Variants in PPEF1 observed in about 807,000 individuals in gnomAD.
The protein encoded by PPEF1 is serine/threonine-protein phosphatase with EF-hands 1.
PPEF1 carries 12 observed loss-of-function variants against 53.3 expected under a neutral mutation model. The observed-to-expected ratio is 0.23, with a 90% confidence interval of 0.14 to 0.36. PPEF1 has a LOEUF of 0.36. Ranked by LOEUF, PPEF1 falls within the 10% of genes least tolerant of loss-of-function variation. The pLI is 1.00. For missense variants in PPEF1, 334 were observed against 490.4 expected, an observed-to-expected ratio of 0.68 and a Z score of 3.01; for synonymous variants, 165 against 176.7, an observed-to-expected ratio of 0.93 and a Z score of 0.52.
intron 4 of PPEF1, 152 bp downstream of exon 4, chrX:18,750,104 A>G: frequency 1.9e-6 from 1 of 514,868 alleles, no homozygotes. Flanking sequence ...CATTTAATAG[A>G]AGTCTCCTCA....
chrX:18,750,850 TG>T (rs1263874536), intron 4 of PPEF1, among the ~76,000 whole-genome samples: 2 of 111,688 alleles, frequency 1.8e-5, no homozygotes, highest in African/African-American at 6.5e-5. Context: ...CTTGTTATTT[TG>T]TTTTTTTTTT....
chrX:18,689,998 G>A (rs1286693294), intron 3 of PPEF1, among the ~76,000 whole-genome samples: 2 of 109,813 alleles, frequency 1.8e-5, no homozygotes, highest in Non-Finnish European at 3.8e-5. Flanking sequence ...CTCAGAGAAG[G>A]CTTTGCTCGA....
intron 7 of PPEF1, among the ~76,000 whole-genome samples, chrX:18,780,926 GGCGCCTGTAGTCCCA>G (rs1251135124): frequency 1.8e-5 from 2 of 109,676 alleles, no homozygotes; most frequent in Admixed American, 9.7e-5. Flanking sequence ...CATAGTGGCG[GGCGCCTGTAGTCCCA>G]GCTACTCGGG....
chrX:18,702,467 T>A (rs760514558), intron 6 of PPEF1, among the ~76,000 whole-genome samples: 2 of 105,583 alleles, frequency 1.9e-5, no homozygotes, highest in Admixed American at 2.2e-4. Flanking sequence ...CCAGAGAGGG[T>A]CGTGTCAGGG....
At chrX:18,713,165 C>T (rs75950031) in intron 1 of PPEF1, among the ~76,000 whole-genome samples, 5,734 of 111,431 alleles carry the variant, frequency 0.051, 273 homozygotes, top group South Asian at 0.16. Context: ...CCTTCTCCTC[C>T]ATTTTTTGGA....
intron 13 of PPEF1, among the ~76,000 whole-genome samples, chrX:18,819,536 A>T: frequency 9.0e-6 from 1 of 110,586 alleles, no homozygotes; most frequent in Middle Eastern, 4.7e-3. Context: ...TACAAAAAAA[A>T]ACAAAAAATT....
At chrX:18,788,140 C>T (rs2046250748) in intron 9 of PPEF1, among the ~76,000 whole-genome samples, 2 of 109,486 alleles carry the variant, frequency 1.8e-5, no homozygotes, top group African/African-American at 3.3e-5. Flanking sequence ...CACGGTGACA[C>T]CCCGTCTCTT....
chrX:18,781,754 T>G (rs1427423460), intron 7 of PPEF1, among the ~76,000 whole-genome samples: 1 of 111,395 alleles, frequency 9.0e-6, no homozygotes, highest in Non-Finnish European at 1.9e-5. Flanking sequence ...ACTGTTATCC[T>G]AAAGCAAGGA....
chrX:18,751,350 A>G (rs2045440282), intron 4 of PPEF1, among the ~76,000 whole-genome samples: 1 of 111,949 alleles, frequency 8.9e-6, no homozygotes, highest in African/African-American at 3.2e-5. Context: ...TATGTCTGTG[A>G]ATGATTTTGA....
At position 18,683,138 on chromosome X, in the gene PPEF1, G is replaced by A. The variant is rs181057383; in HGVS notation, c.-638+137G>A. 6.8e-3 allele frequency among the ~76,000 whole-genome samples: 757 copies of A among 111,524 alleles called. 8 individuals are homozygous for A. The highest frequency in any genetic ancestry group is 0.023 in the African/African-American group (708 of 30,703). On this transcript the variant is annotated intron_variant, in intron 1 of 21. Transcript: ENST00000361511. Reference sequence around the variant, plus strand: ...TGCCTCCCCTCCGGGTCCCTCCCACGACACGTGGGAATTGTGGGAGCTACA... The same window carrying A: ...TGCCTCCCCTCCGGGTCCCTCCCACAACACGTGGGAATTGTGGGAGCTACA...
intron 1 of PPEF1, among the ~76,000 whole-genome samples, chrX:18,723,490 C>A (rs1051149888): frequency 9.0e-6 from 1 of 111,689 alleles, no homozygotes. Flanking sequence ...ATTACTAATA[C>A]AGTATTATGT....
intron 12 of PPEF1, among the ~76,000 whole-genome samples, chrX:18,807,986 G>C (rs866765816): frequency 6.6e-4 from 21 of 31,941 alleles, no homozygotes; most frequent in Non-Finnish European, 1.1e-3. Context: ...TTTTTTTTTT[G>C]AGACGGAGTC....
intron 3 of PPEF1, among the ~76,000 whole-genome samples, chrX:18,741,789 T>TC (rs2147423614): frequency 9.4e-6 from 1 of 105,920 alleles, no homozygotes; most frequent in East Asian, 2.9e-4. Flanking sequence ...TTTTTTTTTT[T>TC]TTTTTTTAAC....
intron 3 of PPEF1, among the ~76,000 whole-genome samples, chrX:18,742,499 G>A (rs751203563): frequency 9.0e-6 from 1 of 111,442 alleles, no homozygotes; most frequent in African/African-American, 3.3e-5. Context: ...TCATCTAGCT[G>A]GACTGGGCAG....
At chrX:18,715,693 C>T (rs956055271) in intron 1 of PPEF1, among the ~76,000 whole-genome samples, 1 of 111,822 alleles carries the variant, frequency 8.9e-6, no homozygotes, top group Non-Finnish European at 1.9e-5. Flanking sequence ...TAGTCTCCCT[C>T]GTTTTATAAA....
intron 12 of PPEF1, among the ~76,000 whole-genome samples, chrX:18,811,655 T>A: frequency 9.8e-6 from 1 of 102,492 alleles, no homozygotes; most frequent in Admixed American, 1.1e-4. Context: ...TCTCACTTTG[T>A]TGCCCAGGCA....
chrX:18,705,162 A>G (rs2044169698), upstream of PPEF1, among the ~76,000 whole-genome samples: 1 of 111,518 alleles, frequency 9.0e-6, no homozygotes, highest in Non-Finnish European at 1.9e-5. Context: ...ATCAAAATAT[A>G]TACATATCAT....
intron 6 of PPEF1, among the ~76,000 whole-genome samples, chrX:18,774,231 A>G (rs1227746911): frequency 9.0e-6 from 1 of 111,294 alleles, no homozygotes; most frequent in African/African-American, 3.3e-5. Flanking sequence ...CTGGGATTAC[A>G]GGCATGCGCC....
In PPEF1 at chrX:18,707,777, A is replaced by G. The variant is rs776675007; in HGVS notation, c.-4A>G. ...CATGAACACATATGATTTAGATAGA[A>G]GTCATGGGATGCAGCAGTTCTTCAA... On this transcript the variant is annotated 5_prime_UTR_variant, in exon 1 of 16. Transcript: ENST00000470157. The G allele has an allele frequency of 8.3e-7, 1 of 1,205,686 alleles. No homozygotes were observed. Among genetic ancestry groups the G allele is most frequent in the East Asian group, 3.0e-5 (1 of 33,747 alleles).
Sources: allele counts gnomAD v4.1 joint callset (sites outside exome capture counted in the v4.1 genomes callset), GRCh38; gene constraint gnomAD v4.1.1; transcripts MANE v1.5; gene names NCBI Gene and HGNC (gene_info 2026-07-23, HGNC 2026-07-21).